The following NLGN4X variants were observed in gnomAD, a reference collection of about 807,000 sequenced individuals.
The protein encoded by NLGN4X is neuroligin-4, X-linked.
Under a neutral mutation model 40.3 loss-of-function variants are expected in NLGN4X, and 3 were observed. The ratio of observed to expected loss-of-function variants is 0.07; its 90% CI spans 0.03 to 0.19. The LOEUF (loss-of-function observed/expected upper bound fraction) is 0.19. Ranked by LOEUF, NLGN4X falls within the 10% of genes least tolerant of loss-of-function variation. NLGN4X has a pLI of 1.00. For missense variants in NLGN4X, 382 were observed against 708.3 expected (o/e 0.54, Z 5.23); for synonymous variants, 270 against 306.8 (o/e 0.88, Z 1.25).
intron 3 of NLGN4X, among the ~76,000 whole-genome samples, chrX:5,945,667 C>A (rs2034097646): frequency 9.0e-6 from 1 of 111,115 alleles, no homozygotes; most frequent in Non-Finnish European, 1.9e-5. Context: ...ATAATGGCCT[C>A]CAGCTCAGAA....
intron 1 of NLGN4X, among the ~76,000 whole-genome samples, chrX:6,157,899 T>C (rs768969382): frequency 7.2e-5 from 8 of 111,208 alleles, no homozygotes; most frequent in Non-Finnish European, 9.4e-5. Context: ...GGGTACGTAA[T>C]GGGGTAAAGA....
intron 2 of NLGN4X, among the ~76,000 whole-genome samples, chrX:6,076,497 C>T (rs939822326): frequency 2.7e-5 from 3 of 111,832 alleles, no homozygotes; most frequent in African/African-American, 9.7e-5. Context: ...TTGTTTGTTT[C>T]AGAGTTCCAT....
intron 1 of NLGN4X, among the ~76,000 whole-genome samples, chrX:6,192,106 A>C (rs957274635): frequency 9.0e-6 from 1 of 110,895 alleles, no homozygotes; most frequent in Non-Finnish European, 1.9e-5. Flanking sequence ...CCAGGCACTG[A>C]GCGTTGCATA....
intron 3 of NLGN4X, among the ~76,000 whole-genome samples, chrX:5,982,073 T>C (rs2035404736): frequency 8.9e-6 from 1 of 112,267 alleles, no homozygotes; most frequent in African/African-American, 3.2e-5. Context: ...CTTTTAATCA[T>C]GCATTTTCAA....
At chrX:6,057,320 CTT>C (rs2037657526) in intron 2 of NLGN4X, among the ~76,000 whole-genome samples, 1 of 111,621 alleles carries the variant, frequency 9.0e-6, no homozygotes, top group Non-Finnish European at 1.9e-5. Context: ...CTAGAGGAAG[CTT>C]GATTCTGCCA....
chrX:6,214,723 C>A (rs1172911698), intron 1 of NLGN4X, among the ~76,000 whole-genome samples: 1 of 110,976 alleles, frequency 9.0e-6, no homozygotes, highest in Non-Finnish European at 1.9e-5. Context: ...AGTGAGACCC[C>A]GTCTCTTAAA....
intron 2 of NLGN4X, among the ~76,000 whole-genome samples, chrX:6,090,578 A>G (rs368579769): frequency 8.9e-6 from 1 of 112,022 alleles, no homozygotes. Context: ...CATCAACAGT[A>G]AGATTTTAAG....
chrX:5,963,617 T>C (rs2034732219), intron 3 of NLGN4X, among the ~76,000 whole-genome samples: 1 of 112,031 alleles, frequency 8.9e-6, no homozygotes, highest in African/African-American at 3.2e-5. Context: ...TTCTTAATAC[T>C]CAAATCCTGG....
intron 2 of NLGN4X, among the ~76,000 whole-genome samples, chrX:6,076,462 C>A (rs781319541): frequency 7.1e-5 from 8 of 112,021 alleles, no homozygotes; most frequent in Non-Finnish European, 1.5e-4. Flanking sequence ...TTGTATGACT[C>A]TGGCAATTTT....
chrX:5,942,891 T>C (rs1222578572), intron 3 of NLGN4X, among the ~76,000 whole-genome samples: 2 of 110,912 alleles, frequency 1.8e-5, no homozygotes, highest in Admixed American at 9.6e-5. Context: ...GTAAGCAGAA[T>C]TATAAAGTCA....
intron 3 of NLGN4X, among the ~76,000 whole-genome samples, chrX:5,972,726 A>G (rs1329612272): frequency 1.1e-5 from 1 of 94,962 alleles, no homozygotes; most frequent in Non-Finnish European, 2.1e-5. Context: ...GTTTACAACT[A>G]TAATCCCAAC....
At chrX:6,099,285 G>A (rs1396666915) in intron 2 of NLGN4X, among the ~76,000 whole-genome samples, 3 of 112,538 alleles carry the variant, frequency 2.7e-5, no homozygotes, top group Non-Finnish European at 5.6e-5. Context: ...AGGTCTGGTT[G>A]TAGCTCGTAG....
At chrX:5,951,421 G>A (rs1472908026) in intron 3 of NLGN4X, among the ~76,000 whole-genome samples, 1 of 111,773 alleles carries the variant, frequency 8.9e-6, no homozygotes, top group Admixed American at 9.5e-5. Context: ...CCTGGAGGAA[G>A]TAAGCCTTCT....
chrX:6,015,990 T>A (rs2036385913), intron 3 of NLGN4X, among the ~76,000 whole-genome samples: 1 of 112,163 alleles, frequency 8.9e-6, no homozygotes, highest in Non-Finnish European at 1.9e-5. Flanking sequence ...GAATCCCACA[T>A]GTGGTAAGGA....
chrX:6,143,816 C>A (rs1355090102), intron 2 of NLGN4X, among the ~76,000 whole-genome samples: 1 of 112,206 alleles, frequency 8.9e-6, no homozygotes, highest in Non-Finnish European at 1.9e-5. Context: ...AAGGCTCCAA[C>A]TCTTTAAAAA....
intron 3 of NLGN4X, among the ~76,000 whole-genome samples, chrX:5,926,046 T>C (rs1443580035): frequency 9.7e-6 from 1 of 102,701 alleles, no homozygotes; most frequent in African/African-American, 3.5e-5. Context: ...TGGCCACATG[T>C]TGTGGGAGGA....
intron 3 of NLGN4X, among the ~76,000 whole-genome samples, chrX:5,958,430 A>G: frequency 9.0e-6 from 1 of 111,549 alleles, no homozygotes. Context: ...TCTCCTTAAT[A>G]CTATATACTC....
intron 3 of NLGN4X, among the ~76,000 whole-genome samples, chrX:5,978,317 TTTCTTTCTTTCTTTC>T (rs1208048335): frequency 9.0e-5 from 7 of 77,998 alleles, no homozygotes; most frequent in Non-Finnish European, 1.5e-4. Context: ...TCTTTCTTTC[TTTCTTTCTTTCTTTC>T]TTTCTTTCTT....
chrX:6,214,663 G>A (rs949277243), intron 1 of NLGN4X, among the ~76,000 whole-genome samples: 4 of 111,610 alleles, frequency 3.6e-5, no homozygotes, highest in African/African-American at 1.3e-4. Context: ...CAGGAGGTCA[G>A]TCCGAAGGAT....
Sources: allele counts gnomAD v4.1 joint callset (sites outside exome capture counted in the v4.1 genomes callset), GRCh38; gene constraint gnomAD v4.1.1; transcripts MANE v1.5; gene names NCBI Gene and HGNC (gene_info 2026-07-23, HGNC 2026-07-21).